USH2A: variants seen among roughly 807,000 people sequenced by gnomAD.
USH2A encodes the protein usherin.
In USH2A, 443 loss-of-function variants were observed where a neutral mutation model predicts 538.9. The ratio of observed to expected loss-of-function variants is 0.82; its 90% CI spans 0.76 to 0.89. The LOEUF (loss-of-function observed/expected upper bound fraction) is 0.89. USH2A is among the 40% of genes least tolerant of loss of function. The probability of loss-of-function intolerance (pLI) is 0.00; values close to 1 mark genes in which losing one functional copy is unlikely to be tolerated. For missense variants in USH2A, 6,633 were observed against 6,324.8 expected, an observed-to-expected ratio of 1.05 and a Z score of -1.65; for synonymous variants, 2,413 against 2,273.5, an observed-to-expected ratio of 1.06 and a Z score of -1.75.
intron 47 of USH2A, among the ~76,000 whole-genome samples, chr1:215,836,904 G>C (rs1663548871): frequency 6.6e-6 from 1 of 151,554 alleles, no homozygotes; most frequent in African/African-American, 2.4e-5. Flanking sequence ...AAAGAATAAA[G>C]GTCTCTAACG....
In USH2A at chr1:216,371,702, C is replaced by G. The variant is rs1406417882; in HGVS notation, c.652-6617G>C. On this transcript the variant is annotated intron_variant, in intron 3 of 71. Coordinates refer to ENST00000307340, the MANE Select transcript of USH2A (RefSeq NM_206933.4). ...CTATGTCTGTCATGCAGTGCCTTTA[C>G]CATCCCTCTAACATTTATGTCATTT... 2.6e-5 allele frequency among the ~76,000 whole-genome samples: 4 copies of G among 152,136 alleles called. No individual in the cohort carries two copies. The South Asian group carries it at 8.3e-4, about 31-fold the overall frequency.
intron 64 of USH2A, among the ~76,000 whole-genome samples, chr1:215,669,860 T>C (rs1036236731): frequency 2.0e-5 from 3 of 152,246 alleles, no homozygotes; most frequent in Non-Finnish European, 1.5e-5. Flanking sequence ...ACTGTACTCA[T>C]TGATTTGGTC....
chr1:215,867,864 T>C (rs976904486), intron 43 of USH2A, among the ~76,000 whole-genome samples: 1 of 152,202 alleles, frequency 6.6e-6, no homozygotes, highest in African/African-American at 2.4e-5. Flanking sequence ...CCAAGTCATT[T>C]ATTAAATTGA....
intron 3 of USH2A, among the ~76,000 whole-genome samples, chr1:216,386,516 CAAACAAAAAA>C: frequency 1.1e-5 from 1 of 92,030 alleles, no homozygotes; most frequent in Middle Eastern, 9.6e-3. Context: ...AACAAACAAA[CAAACAAAAAA>C]CAAAAACCAA....
At chr1:215,890,319 C>T (rs1053859905) in intron 40 of USH2A, among the ~76,000 whole-genome samples, 2 of 152,046 alleles carry the variant, frequency 1.3e-5, no homozygotes, top group Admixed American at 6.5e-5. Flanking sequence ...TGTGTGTATG[C>T]GATTCAGTGT....
intron 44 of USH2A, among the ~76,000 whole-genome samples, chr1:215,860,161 A>G (rs986420253): frequency 6.6e-6 from 1 of 152,236 alleles, no homozygotes; most frequent in Non-Finnish European, 1.5e-5. Context: ...TACTACAGCC[A>G]TGCTTCTTGT....
At chr1:215,804,225 C>A (rs1006482934) in intron 49 of USH2A, among the ~76,000 whole-genome samples, 1 of 151,926 alleles carries the variant, frequency 6.6e-6, no homozygotes, top group Non-Finnish European at 1.5e-5. Context: ...TAGGCATGGG[C>A]AAGGACTTCA....
At chr1:216,377,823 GAAAGAAAGAAAGAAAGAA>G (rs2038856019) in intron 3 of USH2A, among the ~76,000 whole-genome samples, 1 of 34,450 alleles carries the variant, frequency 2.9e-5, no homozygotes, top group African/African-American at 8.2e-5. Flanking sequence ...AAGAAAGAAA[GAAAGAAAGAAAGAAAGAA>G]AGAAAGAAAG....
At chr1:216,190,497 G>GTT in intron 19 of USH2A, 130 bp from the exon 20 acceptor site, 7 of 1,203,616 alleles carry the variant, frequency 5.8e-6, no homozygotes, top group Non-Finnish European at 5.7e-6. Flanking sequence ...TTAGGAAAAG[G>GTT]GTTTTTTTTT....
intron 36 of USH2A, among the ~76,000 whole-genome samples, chr1:215,969,759 T>A (rs1667446695): frequency 6.6e-6 from 1 of 152,092 alleles, no homozygotes; most frequent in South Asian, 2.1e-4. Context: ...GAAGCAGAAA[T>A]TAAAACATAG....
chr1:215,673,694 G>A (rs1311887119), intron 63 of USH2A, among the ~76,000 whole-genome samples: 5 of 152,154 alleles, frequency 3.3e-5, no homozygotes, highest in East Asian at 1.9e-4. Flanking sequence ...TGGTAATTGC[G>A]CTCATTGATT....
chr1:215,928,129 T>C (rs1303586267), intron 38 of USH2A, among the ~76,000 whole-genome samples: 2 of 152,044 alleles, frequency 1.3e-5, no homozygotes, highest in East Asian at 1.9e-4. Flanking sequence ...ACTCTCACAG[T>C]TCAAAGTTAC....
At chr1:216,021,728 T>C (rs1055649563) in intron 32 of USH2A, among the ~76,000 whole-genome samples, 7 of 152,146 alleles carry the variant, frequency 4.6e-5, no homozygotes, top group African/African-American at 9.7e-5. Context: ...AGAACCCTAA[T>C]GGAACATCTT....
At chr1:216,347,121 A>G (rs894173346) in intron 4 of USH2A, among the ~76,000 whole-genome samples, 1 of 152,082 alleles carries the variant, frequency 6.6e-6, no homozygotes, top group Non-Finnish European at 1.5e-5. Flanking sequence ...TTGACTTTTG[A>G]AAATTGTTCA....
At chr1:215,959,568 A>G (rs1336884877) in intron 37 of USH2A, among the ~76,000 whole-genome samples, 1 of 152,062 alleles carries the variant, frequency 6.6e-6, no homozygotes, top group Non-Finnish European at 1.5e-5. Context: ...AACATTAAAA[A>G]CTGATCATTC....
chr1:216,055,207 A>G (rs1329331065), intron 30 of USH2A, among the ~76,000 whole-genome samples: 2 of 152,300 alleles, frequency 1.3e-5, no homozygotes, highest in African/African-American at 4.8e-5. Context: ...CCATCTCAAG[A>G]GAACTCATCA....
intron 21 of USH2A, among the ~76,000 whole-genome samples, chr1:216,139,659 T>C (rs2033562251): frequency 6.6e-6 from 1 of 152,190 alleles, no homozygotes; most frequent in Non-Finnish European, 1.5e-5. Flanking sequence ...TTCAGTTCAG[T>C]GAGTTCAAAA....
At position 215,878,942 on chromosome 1, in the gene USH2A, C is replaced by T. The variant is rs373984123; in HGVS notation, c.8380G>A (p.Val2794Ile). 4 of 1,613,930 alleles carry T rather than the reference C, an allele frequency of 2.5e-6. No homozygotes were observed. The highest frequency in any genetic ancestry group is 1.3e-5 in the African/African-American group (1 of 74,884). ...TACCCATTACCCCCTGAGCAAGCAA[C>T]AATGGTGACAGAATAATTAGTGAAA... ...IPFTNYSVTIVACSGGNGYLG... is the reference protein window; with the variant it reads ...IPFTNYSVTIIACSGGNGYLG... The change falls in exon 42 of 72, where the codon GTT becomes ATT. Residue 2794 changes from valine (V) to isoleucine (I), a missense_variant. Physicochemically the swap from Val to Ile is conservative, Grantham distance 29. Transcript: ENST00000307340.
chr1:215,951,630 A>G (rs1436766425), intron 37 of USH2A, among the ~76,000 whole-genome samples: 2 of 152,114 alleles, frequency 1.3e-5, no homozygotes, highest in East Asian at 1.9e-4. Context: ...TGTCTCGTTG[A>G]TCTGTCTAAT....
Sources: gnomAD v4.1 joint callset for allele counts (sites outside exome capture counted in the v4.1 genomes callset) on GRCh38, gnomAD v4.1.1 for gene constraint, MANE v1.5 for transcripts, NCBI Gene and HGNC (gene_info 2026-07-23, HGNC 2026-07-21) for gene names.